The following CPED1 variants were observed in gnomAD, a reference collection of about 807,000 sequenced individuals.
The protein encoded by CPED1 is cadherin-like and PC-esterase domain-containing protein 1.
CPED1 carries 114 observed loss-of-function variants against 128.2 expected under a neutral mutation model. The ratio of observed to expected loss-of-function variants is 0.89; its 90% confidence interval spans 0.76 to 1.04. The LOEUF (loss-of-function observed/expected upper bound fraction) is 1.04, where lower values mean the gene tolerates loss of function less well. Among genes scored for constraint, CPED1 ranks in the 50% least tolerant of loss-of-function variants. The pLI, the probability that CPED1 is intolerant of heterozygous loss-of-function variation, is 0.00. For missense variants in CPED1, 1,211 were observed against 1,207.1 expected, an observed-to-expected ratio of 1.00 and a Z score of -0.05; for synonymous variants, 462 against 426.7, an observed-to-expected ratio of 1.08 and a Z score of -1.02.
intron 20 of CPED1, 82 bp from the exon 21 acceptor site, chr7:121,267,133 A>G: frequency 1.3e-6 from 1 of 759,136 alleles, no homozygotes; most frequent in Non-Finnish European, 2.2e-6. Flanking sequence ...AAAGAATTCT[A>G]TGGTATTTGT....
chr7:121,218,151 ATTTTTT>A (rs34168785), intron 16 of CPED1, among the ~76,000 whole-genome samples: 2 of 141,732 alleles, frequency 1.4e-5, no homozygotes, highest in African/African-American at 5.2e-5. Flanking sequence ...TGCCTGGCTA[ATTTTTT>A]TTTTTTTTTG....
At chr7:121,152,259 C>T (rs1796177286) in intron 16 of CPED1, among the ~76,000 whole-genome samples, 1 of 152,106 alleles carries the variant, frequency 6.6e-6, no homozygotes, top group South Asian at 2.1e-4. Flanking sequence ...CCCACCCCTC[C>T]ACATGCTTGA....
Position 121,128,476 on chromosome 7 carries a change from A to G in CPED1, c.1397A>G (p.Gln466Arg), listed in dbSNP as rs1487537424. ...ATAAAGGAACTTGGAAGTCTGGGAC[A>G]ATTCCAACTGGTAAAGCAAAAGTGA... ...TFIKELGSLG[Q>R]FQLLFPSTTP... Residue 466 changes from glutamine (Q) to arginine (R), a missense_variant, in exon 11 of 23, where the codon CAA (glutamine) becomes CGA (arginine). Physicochemically the swap from Gln to Arg is conservative, Grantham distance 43. Coordinates refer to ENST00000310396, the MANE Select transcript of CPED1 (RefSeq NM_024913.5). 6.4e-7 allele frequency: 1 copy of G among 1,553,950 alleles called. No individual in the cohort carries two copies. Among genetic ancestry groups the G allele is most frequent in the Non-Finnish European group, 8.9e-7 (1 of 1,125,462 alleles).
At chr7:121,271,263 A>C in intron 21 of CPED1, 21 bp from the exon 22 acceptor site, 3 of 1,584,126 alleles carry the variant, frequency 1.9e-6, no homozygotes, top group Non-Finnish European at 2.6e-6. Flanking sequence ...AAAAATTCTC[A>C]TTCTTCTGCT....
At position 121,191,803 on chromosome 7, in the gene CPED1, A is replaced by G. The variant is rs1797146834; in HGVS notation, c.2056-44911A>G. On this transcript the variant is annotated intron_variant, in intron 16 of 22. Coordinates refer to ENST00000310396, the MANE Select transcript of CPED1 (RefSeq NM_024913.5). ...AAAAAAAGGAAATGCTATTATTTGAACAATTCAGTTTTTGAACTTTCCTTC... is the reference window on the plus strand; with the variant it reads ...AAAAAAAGGAAATGCTATTATTTGAGCAATTCAGTTTTTGAACTTTCCTTC... 3.9e-5 allele frequency among the ~76,000 whole-genome samples: 6 copies of G among 152,266 alleles called. No individual in the cohort carries two copies. In the South Asian group the frequency reaches 1.2e-3, roughly 32 times the overall value.
At chr7:120,993,387 A>G (rs1796341302) in intron 2 of CPED1, among the ~76,000 whole-genome samples, 1 of 152,186 alleles carries the variant, frequency 6.6e-6, no homozygotes, top group Non-Finnish European at 1.5e-5. Context: ...TGGCTCCAAA[A>G]TGAGAACTAC....
At chr7:121,104,370 G>A (rs1554435161) in intron 7 of CPED1, among the ~76,000 whole-genome samples, 1 of 152,064 alleles carries the variant, frequency 6.6e-6, no homozygotes, top group Non-Finnish European at 1.5e-5. Flanking sequence ...AAGATTAACT[G>A]CAAGAAATGT....
At chr7:121,155,217 A>G (rs146620717) in intron 16 of CPED1, among the ~76,000 whole-genome samples, 111 of 152,326 alleles carry the variant, frequency 7.3e-4, no homozygotes, top group Non-Finnish European at 1.4e-3. Flanking sequence ...AGAGGTCACA[A>G]ATAAAATGGA....
chr7:121,230,034 C>A (rs946185402), intron 16 of CPED1, among the ~76,000 whole-genome samples: 5 of 151,972 alleles, frequency 3.3e-5, no homozygotes, highest in Non-Finnish European at 2.9e-5. Flanking sequence ...TTTCAAGCAA[C>A]AAAGGGAGTT....
chr7:121,034,247 C>CTTTTTTTTTTTTTT (rs3067998), intron 3 of CPED1, among the ~76,000 whole-genome samples: 1 of 113,954 alleles, frequency 8.8e-6, no homozygotes, highest in Non-Finnish European at 1.7e-5. Context: ...GTTTTTTTTT[C>CTTTTTTTTTTTTTT]TTTTTTTTTT....
At chr7:121,152,018 A>C (rs993112495) in intron 16 of CPED1, among the ~76,000 whole-genome samples, 1 of 152,212 alleles carries the variant, frequency 6.6e-6, no homozygotes, top group Admixed American at 6.5e-5. Flanking sequence ...ACCGCCTGAC[A>C]TATTTAACTT....
chr7:121,291,987 T>C (rs551891075), intron 22 of CPED1, among the ~76,000 whole-genome samples: 122 of 152,256 alleles, frequency 8.0e-4, no homozygotes, highest in Non-Finnish European at 1.3e-3. Context: ...CAATGCCTAG[T>C]TGGGGTTGCT....
rs1017569798 is a variant in CPED1, at chr7:121,262,651, G to C, written c.2311-3576G>C. 4.6e-5 allele frequency among the ~76,000 whole-genome samples: 7 copies of C among 152,134 alleles called. No homozygotes were observed. In the East Asian group the frequency reaches 7.7e-4, roughly 17 times the overall value. On this transcript the variant is annotated intron_variant, in intron 18 of 22. Transcript: ENST00000310396. ...AGAAAGAATTATTTATAAATTGTAT[G>C]CCTAGTCATAAATATTTGTTATGAT...
At chr7:121,213,762 A>C (rs531828803) in intron 16 of CPED1, among the ~76,000 whole-genome samples, 1 of 152,174 alleles carries the variant, frequency 6.6e-6, no homozygotes, top group South Asian at 2.1e-4. Flanking sequence ...TTTAATATTA[A>C]TTTAGAGTTA....
intron 16 of CPED1, 96 bp from the exon 17 acceptor site, chr7:121,236,617 TA>T: frequency 1.6e-6 from 1 of 624,746 alleles, no homozygotes; most frequent in Non-Finnish European, 2.7e-6. Context: ...CTTTTATCCA[TA>T]AAGGTTATTT....
intron 14 of CPED1, 112 bp from the exon 15 acceptor site, chr7:121,140,715 A>G: frequency 2.8e-6 from 2 of 716,636 alleles, no homozygotes; most frequent in South Asian, 3.7e-5. Context: ...GTCAGCAGGG[A>G]TCATTGAAGT....
chr7:121,061,666 G>A (rs1033944941), intron 4 of CPED1, among the ~76,000 whole-genome samples: 4 of 152,146 alleles, frequency 2.6e-5, no homozygotes, highest in African/African-American at 7.2e-5. Context: ...TTAAGCTGGA[G>A]AAGCTCATCA....
intron 7 of CPED1, among the ~76,000 whole-genome samples, chr7:121,119,237 A>AT (rs146351691): frequency 0.79 from 113,538 of 143,812 alleles, 45,114 homozygotes; most frequent in East Asian, 0.94. Flanking sequence ...TAAAAAAGAT[A>AT]TTTTTTTTTT....
chr7:121,080,616 A>G (rs374923405), intron 5 of CPED1, among the ~76,000 whole-genome samples: 4 of 152,326 alleles, frequency 2.6e-5, no homozygotes, highest in South Asian at 4.1e-4. Flanking sequence ...TAAAATTTAC[A>G]TACCTGCTTT....
Sources: allele counts gnomAD v4.1 joint callset (sites outside exome capture counted in the v4.1 genomes callset), GRCh38; gene constraint gnomAD v4.1.1; transcripts MANE v1.5; gene names NCBI Gene and HGNC (gene_info 2026-07-23, HGNC 2026-07-21).